Variants in MBNL1 observed in about 807,000 individuals in gnomAD.
MBNL1 encodes the protein muscleblind like splicing regulator 1.
MBNL1 carries 8 observed loss-of-function variants against 42.2 expected under a neutral mutation model. The ratio of observed to expected loss-of-function variants is 0.19; its 90% CI spans 0.11 to 0.34. The LOEUF (loss-of-function observed/expected upper bound fraction) is 0.34. Among genes scored for constraint, MBNL1 ranks in the 10% least tolerant of loss-of-function variants. The probability of loss-of-function intolerance (pLI) is 1.00; values close to 1 mark genes in which losing one functional copy is unlikely to be tolerated. For synonymous variants in MBNL1, 169 were observed against 173.9 expected, an observed-to-expected ratio of 0.97 and a Z score of 0.22; for missense variants, 309 against 495.3, an observed-to-expected ratio of 0.62 and a Z score of 3.57.
chr3:152,463,393 T>A lies in MBNL1; in HGVS notation c.*1027T>A, dbSNP rs1325748971. 1.3e-5 allele frequency: 2 copies of A among 152,462 alleles called. No homozygotes were observed. Among genetic ancestry groups the A allele is most frequent in the Non-Finnish European group, 2.9e-5 (2 of 67,928 alleles). 9.4% of individuals were successfully genotyped at this position (152,462 alleles called of 1,614,324 possible). On this transcript the variant is annotated 3_prime_UTR_variant, in exon 10 of 10. Transcript: ENST00000324210. ...AGTAACAAAAAAATGAGGAAATTATTTTGCTTCTATTTATAGCCTCTGTCA... is the reference window on the plus strand; with the variant it reads ...AGTAACAAAAAAATGAGGAAATTATATTGCTTCTATTTATAGCCTCTGTCA...
chr3:152,445,250 G>T, intron 4 of MBNL1, 32 bp from the exon 5 acceptor site: 2 of 1,580,904 alleles, frequency 1.3e-6, no homozygotes, highest in South Asian at 2.3e-5. Flanking sequence ...TCTTCATGTT[G>T]ACTAAACCTC....
chr3:152,385,568 G>T lies in MBNL1; in HGVS notation c.175-29373G>T, dbSNP rs576224303. On this transcript the variant is annotated intron_variant, in intron 2 of 9. Coordinates refer to ENST00000324210, the MANE Select transcript of MBNL1 (RefSeq NM_021038.5). ...TATGGAGTACCTTTTTACATGTTGG[G>T]TAACTCTACCCTCAACTGATAAAGG... is the stretch of plus-strand genomic sequence containing the variant. Among the ~76,000 whole-genome samples, 4 of 151,992 alleles carry T rather than the reference G, an allele frequency of 2.6e-5. No individual in the cohort carries two copies. In the South Asian group the frequency reaches 8.3e-4, roughly 32 times the overall value.
At chr3:152,455,387 A>G (rs184143615) in intron 6 of MBNL1, among the ~76,000 whole-genome samples, 155 bp from the exon 7 acceptor site, 1 of 152,288 alleles carries the variant, frequency 6.6e-6, no homozygotes, top group East Asian at 1.9e-4. Context: ...GTGCTATTGT[A>G]TGATTTGATT....
In MBNL1 at chr3:152,464,143, A is replaced by C. The variant is rs1749092955; in HGVS notation, c.*1777A>C. On this transcript the variant is annotated 3_prime_UTR_variant, in exon 10 of 10. Transcript: ENST00000324210. ...TAAAATGTAGTTTTTCATTTCCTACATTTATTAGATTTTCATTTTCTATTA... is the reference window on the plus strand; with the variant it reads ...TAAAATGTAGTTTTTCATTTCCTACCTTTATTAGATTTTCATTTTCTATTA... 2.0e-5 allele frequency: 3 copies of C among 152,420 alleles called. No individual in the cohort carries two copies. The highest frequency in any genetic ancestry group is 6.6e-5 in the Admixed American group (1 of 15,264). The allele number at this position is 152,420 out of a possible 1,614,324, so 9.4% of individuals were successfully genotyped here.
At chr3:152,243,684 T>C (rs2032232762), upstream of MBNL1, 1 of 152,156 alleles carries the variant, frequency 6.6e-6, no homozygotes, top group Non-Finnish European at 1.5e-5. Context: ...GCAAGTTAAT[T>C]CCCATATATC....
chr3:152,408,581 CTG>C (rs2098490802), intron 2 of MBNL1, among the ~76,000 whole-genome samples: 1 of 151,808 alleles, frequency 6.6e-6, no homozygotes, highest in South Asian at 2.1e-4. Flanking sequence ...TAATTATACA[CTG>C]TTATATTTGG....
Position 152,299,533 on chromosome 3 carries a change from C to T in MBNL1, c.-661C>T, listed in dbSNP as rs2059937960. The T allele has an allele frequency of 2.5e-6, 1 of 393,366 alleles. No individual in the cohort carries two copies. The highest frequency in any genetic ancestry group is 3.6e-5 in the East Asian group (1 of 27,838). 24.4% of individuals were successfully genotyped at this position (393,366 alleles called of 1,614,324 possible). On this transcript the variant is annotated 5_prime_UTR_variant, in exon 2 of 10. Transcript: ENST00000324210. ...AGCACATCCACCCTCCACCTCTAGC[C>T]CAGACACCCCCATTTCTACTTATAA...
chr3:152,297,334 T>C (rs919330679), intron 1 of MBNL1, among the ~76,000 whole-genome samples: 1 of 143,914 alleles, frequency 6.9e-6, no homozygotes, highest in Non-Finnish European at 1.5e-5. Context: ...TCTTGAACAC[T>C]GGGGATGAGG....
chr3:152,376,136 C>A (rs971331675), intron 2 of MBNL1, among the ~76,000 whole-genome samples: 1 of 152,052 alleles, frequency 6.6e-6, no homozygotes, highest in Non-Finnish European at 1.5e-5. Flanking sequence ...CTATAAGATG[C>A]ATGAATATAT....
At chr3:152,315,755 T>A (rs2070559564) in intron 2 of MBNL1, among the ~76,000 whole-genome samples, 1 of 152,128 alleles carries the variant, frequency 6.6e-6, no homozygotes, top group Admixed American at 6.5e-5. Context: ...AGTTTTTATT[T>A]CCCATCAGCT....
At chr3:152,436,573 G>C (rs2099081159) in intron 4 of MBNL1, among the ~76,000 whole-genome samples, 1 of 152,126 alleles carries the variant, frequency 6.6e-6, no homozygotes, top group Admixed American at 6.5e-5. Flanking sequence ...CATAATTGTT[G>C]ATTGATTAGT....
upstream of MBNL1, chr3:152,264,524 C>A (rs896038159): frequency 2.0e-5 from 3 of 151,606 alleles, no homozygotes; most frequent in Non-Finnish European, 2.9e-5. Flanking sequence ...AAAAAAAAGA[C>A]AATGAAAATG....
chr3:152,437,216 C>T (rs898124276), intron 4 of MBNL1, among the ~76,000 whole-genome samples: 13 of 152,146 alleles, frequency 8.5e-5, no homozygotes, highest in Admixed American at 5.2e-4. Flanking sequence ...GAAAAATTTT[C>T]GGAATCAGTT....
In MBNL1 at chr3:152,464,847, T is replaced by TATA. The variant is rs1749611262; in HGVS notation, c.*2485_*2487dup. 6.6e-6 allele frequency: 1 copy of TATA among 152,638 alleles called. No individual in the cohort carries two copies. Among genetic ancestry groups the TATA allele is most frequent in the African/African-American group, 2.4e-5 (1 of 41,448 alleles). 9.5% of individuals were successfully genotyped at this position (152,638 alleles called of 1,614,324 possible). A position where few individuals can be genotyped will look rare whatever the true frequency, so the allele number is the denominator to read the frequency against. ...TATATAGTCAAAAGAGAGAAACCTG[T>TATA]ATAATAGTAAGATCTTATTTTGAAT... is the stretch of plus-strand genomic sequence containing the variant. On this transcript the variant is annotated 3_prime_UTR_variant, in exon 10 of 10. Coordinates refer to ENST00000324210, the MANE Select transcript of MBNL1 (RefSeq NM_021038.5).
Position 152,396,635 on chromosome 3 carries a change from T to C in MBNL1, c.175-18306T>C, listed in dbSNP as rs550568289. On this transcript the variant is annotated intron_variant, in intron 2 of 9. Coordinates refer to ENST00000324210, the MANE Select transcript of MBNL1 (RefSeq NM_021038.5). ...CCCTGGTTTCACAGCGCACTTCATATTAACATTCATCTATTTTCTGTAATA... is the reference window on the plus strand; with the variant it reads ...CCCTGGTTTCACAGCGCACTTCATACTAACATTCATCTATTTTCTGTAATA... Among the ~76,000 whole-genome samples, 9 of 152,332 alleles carry C rather than the reference T, an allele frequency of 5.9e-5. No individual in the cohort carries two copies. The East Asian group carries it at 1.7e-3, about 29-fold the overall frequency.
chr3:152,298,679 A>G (rs910863368), intron 1 of MBNL1, among the ~76,000 whole-genome samples: 11 of 152,218 alleles, frequency 7.2e-5, no homozygotes, highest in Admixed American at 5.2e-4. Context: ...TGCGGGCTCA[A>G]TGGAATAGTT....
upstream of MBNL1, chr3:152,267,586 C>CA (rs570432880): frequency 2.4e-3 from 368 of 152,266 alleles, no homozygotes; most frequent in Non-Finnish European, 4.5e-3. Context: ...GAGAAAGTGT[C>CA]AGTGTTCTTT....
intron 2 of MBNL1, among the ~76,000 whole-genome samples, chr3:152,393,190 T>G (rs2097789015): frequency 6.6e-6 from 1 of 152,232 alleles, no homozygotes; most frequent in African/African-American, 2.4e-5. Context: ...ATACCTGCTT[T>G]CTAGATAGTC....
chr3:152,272,567 T>C (rs990125267), intron 1 of MBNL1, among the ~76,000 whole-genome samples: 3 of 151,872 alleles, frequency 2.0e-5, no homozygotes, highest in African/African-American at 7.2e-5. Flanking sequence ...AGAACTTTCT[T>C]TAGAAAGTTA....
Sources: allele counts gnomAD v4.1 joint callset (sites outside exome capture counted in the v4.1 genomes callset), GRCh38; gene constraint gnomAD v4.1.1; transcripts MANE v1.5; gene names NCBI Gene and HGNC (gene_info 2026-07-23, HGNC 2026-07-21).